The following NUP62CL variants were observed in gnomAD, a reference collection of about 807,000 sequenced individuals.
The protein encoded by NUP62CL is nucleoporin-62 C-terminal-like protein.
In NUP62CL, 13 loss-of-function variants were observed where a neutral mutation model predicts 15.3. The ratio of observed to expected loss-of-function variants is 0.85; its 90% CI spans 0.55 to 1.35. NUP62CL has a LOEUF of 1.35. NUP62CL is among the 40% of genes most tolerant of loss of function. The pLI is 0.00. For missense variants in NUP62CL, 123 were observed against 130.6 expected (o/e 0.94, Z 0.28); for synonymous variants, 54 against 49.2 (o/e 1.10, Z -0.41).
At chrX:107,157,985 T>A (rs1230222076) in intron 4 of NUP62CL, among the ~76,000 whole-genome samples, 1 of 100,787 alleles carries the variant, frequency 9.9e-6, no homozygotes, top group Non-Finnish European at 2.0e-5. Context: ...AATCCTAGTC[T>A]CTGATAAAAC....
chrX:107,173,881 G>C (rs1926705710), intron 3 of NUP62CL, among the ~76,000 whole-genome samples: 1 of 110,307 alleles, frequency 9.1e-6, no homozygotes, highest in East Asian at 2.8e-4. Context: ...GCTGGGGAGG[G>C]GGGCTATTAC....
chrX:107,139,218 G>A (rs922671222), intron 8 of NUP62CL, among the ~76,000 whole-genome samples: 12 of 111,099 alleles, frequency 1.1e-4, no homozygotes, highest in Middle Eastern at 4.6e-3. Flanking sequence ...GATTAAAGGG[G>A]GAACATGAGG....
chrX:107,171,787 T>C (rs1043975891), intron 3 of NUP62CL, among the ~76,000 whole-genome samples: 2 of 110,845 alleles, frequency 1.8e-5, no homozygotes, highest in African/African-American at 6.6e-5. Context: ...TTGAGACTTA[T>C]ATAGATAAGG....
At position 107,123,976 on chromosome X, in the gene NUP62CL, C is replaced by T. The variant is rs892853134; in HGVS notation, c.*399G>A. The T allele has an allele frequency of 5.1e-6, 1 of 197,282 alleles. No individual in the cohort carries two copies. The highest frequency in any genetic ancestry group is 3.2e-5 in the African/African-American group (1 of 31,680). The allele number at this position is 197,282 out of a possible 1,213,427, so 16.3% of individuals were successfully genotyped here. A position where few individuals can be genotyped will look rare whatever the true frequency, so the allele number is the denominator to read the frequency against. On this transcript the variant is annotated 3_prime_UTR_variant, in exon 9 of 9. Transcript: ENST00000372466. ...GTGAGAAGGATGATGTGTACTGATG[C>T]CAGGGAGAGTAAGACATAAATTACA...
chrX:107,124,627 C>T (rs1482525975), intron 8 of NUP62CL, among the ~76,000 whole-genome samples: 1 of 110,252 alleles, frequency 9.1e-6, no homozygotes, highest in African/African-American at 3.3e-5. Flanking sequence ...CTCATTATAC[C>T]CTAAAAGTGA....
At chrX:107,162,088 C>T (rs759555695) in intron 4 of NUP62CL, among the ~76,000 whole-genome samples, 4 of 109,800 alleles carry the variant, frequency 3.6e-5, no homozygotes, top group Admixed American at 9.7e-5. Context: ...GTAAAATAAC[C>T]GAAATAACAA....
chrX:107,158,527 C>T (rs1481773427), intron 4 of NUP62CL, among the ~76,000 whole-genome samples: 1 of 80,471 alleles, frequency 1.2e-5, no homozygotes, highest in Non-Finnish European at 2.1e-5. Flanking sequence ...TCCTGAATGA[C>T]TACTGGGTAC....
chrX:107,148,434 A>G (rs754101725), intron 7 of NUP62CL, among the ~76,000 whole-genome samples: 5 of 111,690 alleles, frequency 4.5e-5, no homozygotes, highest in African/African-American at 1.6e-4. Flanking sequence ...AAAATGATTA[A>G]ATAGATCATG....
chrX:107,132,392 T>A (rs1036956390), intron 8 of NUP62CL: 30 of 444,556 alleles, frequency 6.7e-5, no homozygotes, highest in African/African-American at 6.4e-4. Flanking sequence ...TTACTGGCTA[T>A]ACACACATAT....
intron 7 of NUP62CL, among the ~76,000 whole-genome samples, chrX:107,151,515 CCA>C (rs59950269): frequency 0.029 from 2,854 of 98,238 alleles, 87 homozygotes; most frequent in African/African-American, 0.095. Context: ...TCCACCCAAA[CCA>C]CACACACACA....
intron 4 of NUP62CL, among the ~76,000 whole-genome samples, chrX:107,155,018 C>A (rs776306280): frequency 4.5e-5 from 5 of 111,754 alleles, no homozygotes; most frequent in Non-Finnish European, 9.4e-5. Context: ...CAGTGGGGAG[C>A]TGAATCTCTA....
chrX:107,161,723 T>G (rs1339423371), intron 4 of NUP62CL, among the ~76,000 whole-genome samples: 1 of 95,203 alleles, frequency 1.1e-5, no homozygotes, highest in Non-Finnish European at 2.1e-5. Flanking sequence ...CACGTATACA[T>G]ATGTAACTAA....
At chrX:107,153,784 G>A (rs1926105618) in intron 5 of NUP62CL, among the ~76,000 whole-genome samples, 1 of 111,038 alleles carries the variant, frequency 9.0e-6, no homozygotes, top group East Asian at 2.9e-4. Flanking sequence ...ACTGGACAAC[G>A]CAGTGGGACC....
At chrX:107,186,449 T>A (rs188219215) in intron 2 of NUP62CL, among the ~76,000 whole-genome samples, 1 of 111,760 alleles carries the variant, frequency 8.9e-6, no homozygotes, top group Non-Finnish European at 1.9e-5. Context: ...ATACTTTTAA[T>A]ACACAATTTT....
intron 4 of NUP62CL, among the ~76,000 whole-genome samples, chrX:107,164,455 A>G (rs1265417833): frequency 9.0e-6 from 1 of 111,087 alleles, no homozygotes; most frequent in Non-Finnish European, 1.9e-5. Flanking sequence ...AAAGAGCAAA[A>G]TGAACTCAGT....
At chrX:107,141,707 T>G (rs1925771269) in intron 8 of NUP62CL, among the ~76,000 whole-genome samples, 1 of 111,915 alleles carries the variant, frequency 8.9e-6, no homozygotes, top group Non-Finnish European at 1.9e-5. Flanking sequence ...AGGCATCTTT[T>G]GGCATCTCAG....
At chrX:107,126,727 A>G (rs1419553266) in intron 8 of NUP62CL, among the ~76,000 whole-genome samples, 2 of 112,484 alleles carry the variant, frequency 1.8e-5, no homozygotes, top group African/African-American at 6.5e-5. Flanking sequence ...TAAGTGCTAA[A>G]ACTATATTTT....
At chrX:107,176,571 T>TG (rs1569362911) in intron 2 of NUP62CL, among the ~76,000 whole-genome samples, 111 of 98,046 alleles carry the variant, frequency 1.1e-3, no homozygotes, top group African/African-American at 4.3e-3. Context: ...TTTTTTTTTG[T>TG]CGGGGGGGCG....
intron 4 of NUP62CL, among the ~76,000 whole-genome samples, chrX:107,166,164 CAA>C (rs1401836630): frequency 9.0e-6 from 1 of 111,439 alleles, no homozygotes; most frequent in Admixed American, 9.6e-5. Flanking sequence ...ACATATCTGA[CAA>C]AAGACTGGCA....
Sources: allele counts gnomAD v4.1 joint callset (sites outside exome capture counted in the v4.1 genomes callset), GRCh38; gene constraint gnomAD v4.1.1; transcripts MANE v1.5; gene names NCBI Gene and HGNC (gene_info 2026-07-23, HGNC 2026-07-21).